The following MAPK12 variants were observed in gnomAD, a reference collection of about 807,000 sequenced individuals.
The protein encoded by MAPK12 is MAP kinase 12.
MAPK12 carries 49 observed loss-of-function variants against 49.1 expected under a neutral mutation model. That is an observed-to-expected ratio of 1.00 (90% CI 0.79 to 1.27). The LOEUF is 1.27. Among genes scored for constraint, MAPK12 ranks in the 50% most tolerant of loss-of-function variants. The pLI is 0.00. For missense variants in MAPK12, 554 were observed against 502.4 expected (o/e 1.10, Z -0.98); for synonymous variants, 251 against 209.7 (o/e 1.20, Z -1.70).
At chr22:50,255,097 C>T (rs552415821) in intron 11 of MAPK12, 100 bp downstream of exon 11, 4 of 1,485,476 alleles carry the variant, frequency 2.7e-6, no homozygotes, top group South Asian at 1.3e-5. Context: ...CGGGTCCACA[C>T]AGGCCCTACC....
intron 6 of MAPK12, among the ~76,000 whole-genome samples, 161 bp downstream of exon 6, chr22:50,256,438 T>C (rs1039370535): frequency 6.6e-6 from 1 of 152,204 alleles, no homozygotes; most frequent in African/African-American, 2.4e-5. Context: ...TACGGCATGT[T>C]GTGTACCACT....
intron 2 of MAPK12, among the ~76,000 whole-genome samples, chr22:50,260,514 G>A (rs2065200557): frequency 6.6e-6 from 1 of 152,174 alleles, no homozygotes; most frequent in Admixed American, 6.5e-5. Context: ...GCCCAGGGCA[G>A]CTGTACGTGG....
At chr22:50,254,852 T>G (rs1399420881) in intron 11 of MAPK12, 1 of 1,193,782 alleles carries the variant, frequency 8.4e-7, no homozygotes, top group Non-Finnish European at 1.1e-6. Context: ...CTTTCACCAC[T>G]CCCGGCTCCT....
At chr22:50,261,343 C>A in intron 1 of MAPK12, 42 bp downstream of exon 1, 7 of 1,153,882 alleles carry the variant, frequency 6.1e-6, no homozygotes, top group Non-Finnish European at 7.5e-6. Flanking sequence ...CCCGCGCAGG[C>A]CCCGCCCGCC....
Position 50,261,248 on chromosome 22 carries a change from C to G in MAPK12, c.174G>C (p.Leu58=). ...ACAGCTCGGACTGGAAAGGCCGATA[C>G]AGCTTCTTGATGGCCACCTTAGCGC... ...RTGAKVAIKK[L]YRPFQSELFA... The change falls in exon 2 of 12, where the codon CTG becomes CTC. Residue 58 remains leucine, a synonymous_variant. Coordinates refer to ENST00000215659, the MANE Select transcript of MAPK12 (RefSeq NM_002969.6). The G allele has an allele frequency of 1.3e-6, 2 of 1,570,512 alleles. No individual in the cohort carries two copies. Among genetic ancestry groups the G allele is most frequent in the Non-Finnish European group, 1.7e-6 (2 of 1,160,182 alleles).
rs1364072273 is a variant in MAPK12 at position 50,258,354 on chromosome 22, C to T, written c.256-53G>A. The T allele has an allele frequency of 4.7e-6, 7 of 1,489,610 alleles. No homozygotes were observed. The African/African-American group carries it at 8.9e-5, about 19-fold the overall frequency. The allele number at this position is 1,489,610 out of a possible 1,614,324, so 92.3% of individuals were successfully genotyped here. On this transcript the variant is annotated intron_variant, in intron 2 of 11. Transcript: ENST00000215659. Reference sequence around the variant, plus strand: ...GCAGCAGAGGACACGGGCTGGGGCACCCCCCAAGAGTGGCACAACCCTCTG... The same window carrying T: ...GCAGCAGAGGACACGGGCTGGGGCATCCCCCAAGAGTGGCACAACCCTCTG...
chr22:50,260,517 G>C (rs1385799385), intron 2 of MAPK12, among the ~76,000 whole-genome samples: 1 of 152,140 alleles, frequency 6.6e-6, no homozygotes, highest in Non-Finnish European at 1.5e-5. Context: ...CAGGGCAGCT[G>C]TACGTGGCAT....
chr22:50,253,799 G>A, intron 11 of MAPK12: 2 of 419,606 alleles, frequency 4.8e-6, no homozygotes, highest in South Asian at 2.7e-5. Flanking sequence ...TATCTTTCTA[G>A]CAGCAGAAAC....
At position 50,256,168 on chromosome 22, in the gene MAPK12, T is replaced by C. The variant is rs1300715503; in HGVS notation, c.536A>G (p.Asp179Gly). 1.2e-6 allele frequency: 2 copies of C among 1,612,530 alleles called. No homozygotes were observed. The highest frequency in any genetic ancestry group is 2.7e-5 in the African/African-American group (2 of 75,040). Residue 179 changes from aspartate (D) to glycine (G), a missense_variant, in exon 7 of 12, where the codon GAC becomes GGC. Physicochemically the swap from Asp to Gly is moderately conservative, Grantham distance 94. Transcript: ENST00000215659. ...ILDFGLARQA[D>G]SEMTGYVVTR... ...CACCACGTACCCAGTCATCTCACTG[T>C]CTGCCTGCCTGGCCAGGCCGAAGTC...
At chr22:50,257,562 G>A (rs915554986) in intron 3 of MAPK12, 3 of 535,782 alleles carry the variant, frequency 5.6e-6, no homozygotes, top group East Asian at 3.2e-5. Context: ...GCAGGGGAGG[G>A]AGGCAGTCAG....
intron 2 of MAPK12, among the ~76,000 whole-genome samples, chr22:50,259,516 C>T (rs1489670144): frequency 2.6e-5 from 4 of 152,102 alleles, no homozygotes; most frequent in Admixed American, 2.6e-4. Flanking sequence ...GCCTCAGCTG[C>T]AGGCCAGGAG....
chr22:50,256,183 A>G lies in MAPK12; in HGVS notation c.521T>C (p.Leu174Pro). 6.2e-7 allele frequency: 1 copy of G among 1,612,540 alleles called. No individual in the cohort carries two copies. Among genetic ancestry groups the G allele is most frequent in the Non-Finnish European group, 8.5e-7 (1 of 1,179,754 alleles). Residue 174 changes from leucine to proline, a missense_variant, in exon 7 of 12, where the codon CTG becomes CCG. Transcript: ENST00000215659. ...CATCTCACTGTCTGCCTGCCTGGCC[A>G]GGCCGAAGTCCAGGATCTGTGGGAA... is the stretch of plus-strand genomic sequence containing the variant. ...DCELKILDFGLARQADSEMTG... is the reference protein window; with the variant it reads ...DCELKILDFGPARQADSEMTG...
At chr22:50,259,255 G>C (rs1056040217) in intron 2 of MAPK12, among the ~76,000 whole-genome samples, 38 of 152,158 alleles carry the variant, frequency 2.5e-4, no homozygotes, top group African/African-American at 8.9e-4. Flanking sequence ...GGGTGTCCAG[G>C]GGGCAGCGGG....
intron 3 of MAPK12, chr22:50,257,617 G>T: frequency 1.8e-6 from 1 of 567,440 alleles, no homozygotes; most frequent in South Asian, 2.1e-5. Flanking sequence ...GAGGTGCCTG[G>T]GGGCGATGGG....
intron 7 of MAPK12, 43 bp from the exon 8 acceptor site, chr22:50,255,924 G>A (rs977852515): frequency 6.3e-6 from 10 of 1,587,398 alleles, no homozygotes; most frequent in South Asian, 3.4e-5. Context: ...AGGGGGACAG[G>A]ATGAGACGGG....
At chr22:50,254,854 C>T (rs571686137) in intron 11 of MAPK12, 1 of 1,195,682 alleles carries the variant, frequency 8.4e-7, no homozygotes, top group Admixed American at 3.7e-5. Context: ...TTCACCACTC[C>T]CGGCTCCTTC....
intron 5 of MAPK12, 114 bp downstream of exon 5, chr22:50,256,821 T>C: frequency 6.5e-7 from 1 of 1,528,518 alleles, no homozygotes; most frequent in Non-Finnish European, 8.8e-7. Context: ...CCAGGGGCTG[T>C]GCATAGGGCG....
rs1245808050 is a variant in MAPK12, at chr22:50,261,518, C to T, written c.-9G>A. ...GGCGGCGGAGAGCTCATGGCAGGCC[C>T]GGGAGCTGCCCACCCCGCAGAGCCT... On this transcript the variant is annotated 5_prime_UTR_variant, in exon 1 of 12. Transcript: ENST00000215659. 4.3e-6 allele frequency: 5 copies of T among 1,154,410 alleles called. No homozygotes were observed. The highest frequency in any genetic ancestry group is 5.4e-6 in the Non-Finnish European group (5 of 922,464). The allele number at this position is 1,154,410 out of a possible 1,614,324, so 71.5% of individuals were successfully genotyped here.
intron 11 of MAPK12, chr22:50,254,981 C>G: frequency 6.9e-7 from 1 of 1,440,206 alleles, no homozygotes; most frequent in African/African-American, 1.4e-5. Context: ...CTCCCATCCT[C>G]CTCACCTGAC....
Sources: gnomAD v4.1 joint callset for allele counts (sites outside exome capture counted in the v4.1 genomes callset) on GRCh38, gnomAD v4.1.1 for gene constraint, MANE v1.5 for transcripts, NCBI Gene and HGNC (gene_info 2026-07-23, HGNC 2026-07-21) for gene names.